AP4M1: variants seen among roughly 807,000 people sequenced by gnomAD.
The protein encoded by AP4M1 is AP-4 complex subunit mu-1.
A neutral mutation model predicts 62.4 loss-of-function variants in AP4M1; 58 were observed. The observed-to-expected ratio is 0.93, with a 90% CI of 0.75 to 1.16. AP4M1 has a LOEUF of 1.16. AP4M1 is among the 50% of genes most tolerant of loss of function. The pLI is 0.00. For synonymous variants in AP4M1, 290 were observed against 239.7 expected (o/e 1.21, Z -1.94); for missense variants, 626 against 585.4 (o/e 1.07, Z -0.72).
Position 100,108,700 on chromosome 7 carries a change from T to A in AP4M1, c.*1818T>A. ...TGTTGAAGGCCAAATTATGCTGAAC[T>A]ATTAGTGTGTGTACAGAACACTGTG... On this transcript the variant is annotated 3_prime_UTR_variant, in exon 15 of 15. Coordinates refer to ENST00000359593, the MANE Select transcript of AP4M1 (RefSeq NM_004722.4). 1.4e-6 allele frequency: 1 copy of A among 694,766 alleles called. No homozygotes were observed. Among genetic ancestry groups the A allele is most frequent in the Non-Finnish European group, 2.4e-6 (1 of 423,242 alleles). 43.0% of individuals were successfully genotyped at this position (694,766 alleles called of 1,614,324 possible). A position where few individuals can be genotyped will look rare whatever the true frequency, so the allele number is the denominator to read the frequency against.
chr7:100,101,168 G>T, upstream of AP4M1: 1 of 1,518,066 alleles, frequency 6.6e-7, no homozygotes. Context: ...CCCAGAACCC[G>T]CCGACCCCGG....
chr7:100,105,341 G>C lies in AP4M1; in HGVS notation c.829G>C (p.Gly277Arg). The C allele has an allele frequency of 6.2e-7, 1 of 1,614,060 alleles. No homozygotes were observed. Among genetic ancestry groups the C allele is most frequent in the Non-Finnish European group, 8.5e-7 (1 of 1,179,996 alleles). Residue 277 changes from glycine to arginine, a missense_variant, in exon 10 of 15, where the codon GGC (glycine) becomes CGC (arginine). Gly to Arg is a moderately radical substitution (Grantham distance 125, BLOSUM62 -2). Coordinates refer to ENST00000359593, the MANE Select transcript of AP4M1 (RefSeq NM_004722.4). ...AATCCTCCGCTTGCAACCACCTCAGGGCGAGGTCAGGGTTGGGGTGGCCTC... is the reference window on the plus strand; with the variant it reads ...AATCCTCCGCTTGCAACCACCTCAGCGCGAGGTCAGGGTTGGGGTGGCCTC... Reference protein sequence around the residue: ...HRILRLQPPQGELTVMRYQLS... With the variant: ...HRILRLQPPQRELTVMRYQLS...
rs1584513717 is a variant in AP4M1, at chr7:100,104,920, G to T, written c.653G>T (p.Ser218Ile). ...VDVQGEIRLKSFLPSGSEMRI... is the reference protein window; with the variant it reads ...VDVQGEIRLKIFLPSGSEMRI... ...GTGCAGGGAGAGATTCGGCTCAAGAGCTTCCTTCCTAGCGGCTCTGGTGAG... is the reference window on the plus strand; with the variant it reads ...GTGCAGGGAGAGATTCGGCTCAAGATCTTCCTTCCTAGCGGCTCTGGTGAG... The change falls in exon 8 of 15, where the codon AGC becomes ATC. Residue 218 changes from serine to isoleucine, a missense_variant. Ser to Ile is a moderately radical substitution (Grantham distance 142). Coordinates refer to ENST00000359593, the MANE Select transcript of AP4M1 (RefSeq NM_004722.4). 2 of 1,614,194 alleles carry T rather than the reference G, an allele frequency of 1.2e-6. No homozygotes were observed. The highest frequency in any genetic ancestry group is 1.7e-6 in the Non-Finnish European group (2 of 1,180,026).
Position 100,107,063 on chromosome 7 carries a change from C to T in AP4M1, c.*181C>T. The stretch of plus-strand genomic sequence containing the variant: ...GTGGTATCTGATGCAGGAAGGACTG[C>T]AGTGGATCAGAACTTACAAACCAAA... On this transcript the variant is annotated 3_prime_UTR_variant, in exon 15 of 15. Transcript: ENST00000359593. 1 of 1,196,618 alleles carries T rather than the reference C, an allele frequency of 8.4e-7. No homozygotes were observed. Among genetic ancestry groups the T allele is most frequent in the East Asian group, 2.6e-5 (1 of 38,894 alleles). 74.1% of individuals were successfully genotyped at this position (1,196,618 alleles called of 1,614,324 possible).
chr7:100,101,267 T>C (rs1423496444), upstream of AP4M1: 1 of 1,613,198 alleles, frequency 6.2e-7, no homozygotes, highest in Non-Finnish European at 8.5e-7. Flanking sequence ...CCCGTACCCT[T>C]CTCTAGCGCG....
At position 100,108,433 on chromosome 7, in the gene AP4M1, G is replaced by C; in HGVS notation, c.*1551G>C. The stretch of plus-strand genomic sequence containing the variant: ...GCAGAGCAGCCTGGGCCCGAGCCTT[G>C]ACCACCTGGGAGCAGAGGAGGGGCC... On this transcript the variant is annotated 3_prime_UTR_variant, in exon 15 of 15. Transcript: ENST00000359593. The C allele has an allele frequency of 1.1e-5, 18 of 1,613,894 alleles. No homozygotes were observed. The highest frequency in any genetic ancestry group is 1.4e-5 in the Non-Finnish European group (17 of 1,179,856).
Position 100,105,811 on chromosome 7 carries a change from G to T in AP4M1, c.930-148G>T, listed in dbSNP as rs558892146. 7.9e-6 allele frequency: 8 copies of T among 1,009,420 alleles called. No individual in the cohort carries two copies. In the East Asian group the frequency reaches 1.9e-4, roughly 24 times the overall value. 62.5% of individuals were successfully genotyped at this position (1,009,420 alleles called of 1,614,324 possible). ...AAAAAAAAAAAAGGAAAAAGCTTTG[G>T]CTAATGGAGTTGGGCTGGGCTTCAG... On this transcript the variant is annotated intron_variant, in intron 11 of 14. Coordinates refer to ENST00000359593, the MANE Select transcript of AP4M1 (RefSeq NM_004722.4).
intron 14 of AP4M1, 66 bp downstream of exon 14, chr7:100,106,580 C>T (rs1415189855): frequency 5.6e-5 from 87 of 1,560,244 alleles, no homozygotes; most frequent in South Asian, 3.8e-4. Context: ...CCCACCCTCC[C>T]GAAGCAGCTG....
upstream of AP4M1, chr7:100,101,594 T>A: frequency 9.0e-7 from 1 of 1,105,358 alleles, no homozygotes; most frequent in Non-Finnish European, 1.4e-6. Flanking sequence ...CGGTCCGAGC[T>A]GGCGCGGGCG....
chr7:100,104,052 T>A, intron 6 of AP4M1, 40 bp from the exon 7 acceptor site: 1 of 1,568,314 alleles, frequency 6.4e-7, no homozygotes, highest in Non-Finnish European at 8.8e-7. Flanking sequence ...GAACATAGGC[T>A]ATTCTGCTTC....
upstream of AP4M1, chr7:100,101,483 G>T: frequency 1.2e-6 from 1 of 814,624 alleles, no homozygotes; most frequent in Non-Finnish European, 2.0e-6. Context: ...CCCGCTAGCC[G>T]CAAGCCAATC....
At position 100,104,115 on chromosome 7, in the gene AP4M1, G is replaced by C. The variant is rs538703771; in HGVS notation, c.567G>C (p.Leu189Phe). The C allele has an allele frequency of 4.3e-6, 7 of 1,613,868 alleles. No individual in the cohort carries two copies. The East Asian group carries it at 1.6e-4, about 36-fold the overall frequency. The change falls in exon 7 of 15, where the codon TTG becomes TTC. Residue 189 changes from leucine (L) to phenylalanine (F), a missense_variant. By Grantham distance (22) the Leu-to-Phe change is conservative (BLOSUM62 0). Coordinates refer to ENST00000359593, the MANE Select transcript of AP4M1 (RefSeq NM_004722.4). ...AGAGCCAAAAGAATGAAGTTTTTTT[G>C]GATGTGGTCGAGAGATTGTCTGTAC... Reference protein sequence around the residue: ...SDQSQKNEVFLDVVERLSVLI... With the variant: ...SDQSQKNEVFFDVVERLSVLI...
rs763006506 is a variant in AP4M1, at chr7:100,108,336, T to TC, written c.*1456dup. The TC allele has an allele frequency of 1.9e-6, 3 of 1,578,618 alleles. No individual in the cohort carries two copies. Among genetic ancestry groups the TC allele is most frequent in the Non-Finnish European group, 1.7e-6 (2 of 1,160,398 alleles). ...CACACAGGGGTTCTCCTCTGCTTCCTCCTATTCCTCCTCCCCACCCGGCCA... is the reference window on the plus strand; with the variant it reads ...CACACAGGGGTTCTCCTCTGCTTCCTCCCTATTCCTCCTCCCCACCCGGCCA... On this transcript the variant is annotated 3_prime_UTR_variant, in exon 15 of 15. Coordinates refer to ENST00000359593, the MANE Select transcript of AP4M1 (RefSeq NM_004722.4).
At position 100,107,046 on chromosome 7, in the gene AP4M1, T is replaced by C; in HGVS notation, c.*164T>C. 2 of 1,200,624 alleles carry C rather than the reference T, an allele frequency of 1.7e-6. No individual in the cohort carries two copies. Among genetic ancestry groups the C allele is most frequent in the Non-Finnish European group, 2.4e-6 (2 of 844,950 alleles). 74.4% of individuals were successfully genotyped at this position (1,200,624 alleles called of 1,614,324 possible). A position where few individuals can be genotyped will look rare whatever the true frequency, so the allele number is the denominator to read the frequency against. On this transcript the variant is annotated 3_prime_UTR_variant, in exon 15 of 15. Transcript: ENST00000359593. ...ATGGGCCCAGCCTTTCTGTGGTATC[T>C]GATGCAGGAAGGACTGCAGTGGATC...
upstream of AP4M1, chr7:100,101,123 G>C (rs1009200890): frequency 4.5e-5 from 48 of 1,069,188 alleles, no homozygotes; most frequent in Non-Finnish European, 5.1e-5. Context: ...GCCTTAGCCA[G>C]GCCGCAGCTC....
At position 100,106,509 on chromosome 7, in the gene AP4M1, T is replaced by C. The variant is rs1796499043; in HGVS notation, c.1132T>C (p.Phe378Leu). 1 of 1,613,034 alleles carries C rather than the reference T, an allele frequency of 6.2e-7. No homozygotes were observed. The change falls in exon 14 of 15, where the codon TTC becomes CTC. Residue 378 changes from phenylalanine to leucine, a missense_variant. Phe to Leu is a conservative substitution (Grantham distance 22). Coordinates refer to ENST00000359593, the MANE Select transcript of AP4M1 (RefSeq NM_004722.4). ...AGGAGGCTCTCAACTCTCAGGCCTT[T>C]TCCAGGTATTCGCTGTGGACCCCCA... ...VQGGSQLSGL[F>L]QMDVPGPPGP...
At chr7:100,104,254 A>T in intron 7 of AP4M1, 100 bp downstream of exon 7, 11 of 1,014,698 alleles carry the variant, frequency 1.1e-5, no homozygotes, top group Non-Finnish European at 1.5e-5. Flanking sequence ...ACAGTGGCTC[A>T]TGCTTGTAAT....
chr7:100,106,828 C>T lies in AP4M1; in HGVS notation c.1308C>T (p.Pro436=). The change falls in exon 15 of 15, where the codon CCC becomes CCT. Residue 436 remains proline (P), a synonymous_variant. Coordinates refer to ENST00000359593, the MANE Select transcript of AP4M1 (RefSeq NM_004722.4). ...TCAGGCCATGCGGCAATGCCAACCC[C>T]CACAAGTGGGTGCGACACCTAAGCC... The part of the protein sequence containing the change: ...LAFRPCGNAN[P]HKWVRHLSHS... 2 of 1,614,026 alleles carry T rather than the reference C, an allele frequency of 1.2e-6. No individual in the cohort carries two copies. The highest frequency in any genetic ancestry group is 1.7e-6 in the Non-Finnish European group (2 of 1,180,050).
intron 7 of AP4M1, among the ~76,000 whole-genome samples, chr7:100,104,662 C>T (rs1338746019): frequency 6.6e-6 from 1 of 152,126 alleles, no homozygotes; most frequent in Admixed American, 6.6e-5. Flanking sequence ...GAAACTCCAT[C>T]TCTACTAAAA....
Sources: gnomAD v4.1 joint callset for allele counts (sites outside exome capture counted in the v4.1 genomes callset) on GRCh38, gnomAD v4.1.1 for gene constraint, MANE v1.5 for transcripts, NCBI Gene and HGNC (gene_info 2026-07-23, HGNC 2026-07-21) for gene names.